CDH10: variants seen among roughly 807,000 people sequenced by gnomAD.
CDH10 encodes the protein cadherin 10.
CDH10 carries 30 observed loss-of-function variants against 73.1 expected under a neutral mutation model. That is an observed-to-expected ratio of 0.41 (90% CI 0.31 to 0.56). The LOEUF is 0.56. Among genes scored for constraint, CDH10 ranks in the 20% least tolerant of loss-of-function variants. The pLI is 0.27. For missense variants in CDH10, 815 were observed against 973.7 expected (o/e 0.84, Z 2.17); for synonymous variants, 345 against 348.2 (o/e 0.99, Z 0.10).
intron 11 of CDH10, 103 bp from the exon 12 acceptor site, chr5:24,488,256 C>T (rs1741919598): frequency 1.0e-6 from 1 of 968,086 alleles, no homozygotes; most frequent in Non-Finnish European, 1.5e-6. Context: ...CTTTCTATAA[C>T]AGCTTAGACT....
chr5:24,558,375 C>A (rs1333146608), intron 2 of CDH10, among the ~76,000 whole-genome samples: 1 of 151,610 alleles, frequency 6.6e-6, no homozygotes, highest in East Asian at 1.9e-4. Context: ...TTTCCCCAGA[C>A]TATAATTTGG....
chr5:24,575,113 C>G (rs1847839), intron 2 of CDH10, among the ~76,000 whole-genome samples: 77,296 of 150,918 alleles, frequency 0.51, 21,890 homozygotes, highest in East Asian at 0.68. Context: ...TGTAATCCCA[C>G]CACTTTGAGA....
At chr5:24,634,782 A>G (rs1747814294) in intron 1 of CDH10, among the ~76,000 whole-genome samples, 1 of 151,780 alleles carries the variant, frequency 6.6e-6, no homozygotes. Flanking sequence ...CAGTATGTGA[A>G]TGTATAAATA....
chr5:24,642,820 CA>C (rs1296692741), intron 1 of CDH10, among the ~76,000 whole-genome samples: 3 of 151,510 alleles, frequency 2.0e-5, no homozygotes, highest in Non-Finnish European at 4.4e-5. Flanking sequence ...TTTTTTCCCC[CA>C]AACCTTTAAG....
At chr5:24,615,740 C>T (rs936001993) in intron 1 of CDH10, among the ~76,000 whole-genome samples, 2 of 152,142 alleles carry the variant, frequency 1.3e-5, no homozygotes, top group Non-Finnish European at 1.5e-5. Flanking sequence ...TACTGCCATG[C>T]CTACTTATTA....
intron 2 of CDH10, among the ~76,000 whole-genome samples, chr5:24,584,684 T>G (rs1745925756): frequency 1.3e-5 from 2 of 151,642 alleles, no homozygotes; most frequent in African/African-American, 4.8e-5. Flanking sequence ...TTGGCCAGGC[T>G]GGTCTCGATC....
intron 7 of CDH10, among the ~76,000 whole-genome samples, chr5:24,506,685 C>T (rs1740993373): frequency 6.6e-6 from 1 of 152,140 alleles, no homozygotes; most frequent in Non-Finnish European, 1.5e-5. Context: ...CCTTGAGAAA[C>T]ATGTTAATAT....
At chr5:24,522,200 TAA>T (rs34132100) in intron 5 of CDH10, among the ~76,000 whole-genome samples, 1 of 151,242 alleles carries the variant, frequency 6.6e-6, no homozygotes, top group Non-Finnish European at 1.5e-5. Context: ...TTGTGAGTGT[TAA>T]AAAAAAAGAT....
At chr5:24,573,000 A>T (rs1030963789) in intron 2 of CDH10, among the ~76,000 whole-genome samples, 11 of 151,278 alleles carry the variant, frequency 7.3e-5, no homozygotes, top group African/African-American at 2.2e-4. Context: ...CACAAAAAAT[A>T]AAAAATAAAG....
At chr5:24,537,257 T>C (rs1050815291) in intron 3 of CDH10, 123 bp downstream of exon 3, 17 of 618,278 alleles carry the variant, frequency 2.7e-5, no homozygotes, top group Non-Finnish European at 4.3e-5. Flanking sequence ...AAAAAATAAA[T>C]AAATATGTAC....
At chr5:24,554,545 C>T (rs1744697421) in intron 2 of CDH10, among the ~76,000 whole-genome samples, 2 of 149,708 alleles carry the variant, frequency 1.3e-5, no homozygotes, top group Non-Finnish European at 1.5e-5. Flanking sequence ...TTCTTGATGG[C>T]TTTCCTCAAA....
intron 5 of CDH10, among the ~76,000 whole-genome samples, chr5:24,532,975 T>A (rs943738359): frequency 6.6e-6 from 1 of 152,100 alleles, no homozygotes; most frequent in Non-Finnish European, 1.5e-5. Flanking sequence ...TTATATGATT[T>A]AGACAATCAA....
At chr5:24,620,630 T>C (rs917752637) in intron 1 of CDH10, among the ~76,000 whole-genome samples, 1 of 152,202 alleles carries the variant, frequency 6.6e-6, no homozygotes, top group Non-Finnish European at 1.5e-5. Flanking sequence ...CTTGTTAAAG[T>C]TGTACTTTTC....
chr5:24,582,500 C>CA (rs1745838332), intron 2 of CDH10, among the ~76,000 whole-genome samples: 1 of 152,120 alleles, frequency 6.6e-6, no homozygotes, highest in Non-Finnish European at 1.5e-5. Context: ...GCTATTAATA[C>CA]ACCACAAAGA....
intron 1 of CDH10, among the ~76,000 whole-genome samples, chr5:24,627,617 C>T (rs1412235196): frequency 6.6e-6 from 1 of 152,060 alleles, no homozygotes; most frequent in Non-Finnish European, 1.5e-5. Flanking sequence ...CCTCAGGTCC[C>T]TCGTTTGTAA....
At chr5:24,603,467 T>C (rs1242293529) in intron 1 of CDH10, among the ~76,000 whole-genome samples, 2 of 152,212 alleles carry the variant, frequency 1.3e-5, no homozygotes, top group Non-Finnish European at 2.9e-5. Context: ...GGAAGCAATA[T>C]GTAAAACATA....
At chr5:24,537,706 T>C in intron 2 of CDH10, 32 bp from the exon 3 acceptor site, 1 of 1,404,226 alleles carries the variant, frequency 7.1e-7, no homozygotes, top group South Asian at 1.3e-5. Context: ...ATATCCATGA[T>C]CATGTATAAA....
chr5:24,508,100 C>A (rs1742765737), intron 7 of CDH10, among the ~76,000 whole-genome samples: 1 of 152,124 alleles, frequency 6.6e-6, no homozygotes, highest in Non-Finnish European at 1.5e-5. Flanking sequence ...AGAAAGTGAA[C>A]AATAACCATC....
intron 1 of CDH10, among the ~76,000 whole-genome samples, chr5:24,605,694 T>A (rs995473800): frequency 6.6e-6 from 1 of 152,232 alleles, no homozygotes; most frequent in Non-Finnish European, 1.5e-5. Context: ...AATCATTTGA[T>A]ACAATATTCC....
Sources: allele counts gnomAD v4.1 joint callset (sites outside exome capture counted in the v4.1 genomes callset), GRCh38; gene constraint gnomAD v4.1.1; transcripts MANE v1.5; gene names NCBI Gene and HGNC (gene_info 2026-07-23, HGNC 2026-07-21).